The following SLC17A7 variants were observed in gnomAD, a reference collection of about 807,000 sequenced individuals.
SLC17A7 encodes the protein vesicular glutamate transporter 1.
SLC17A7 carries 15 observed loss-of-function variants against 59.1 expected under a neutral mutation model. That is an observed-to-expected ratio of 0.25 (90% confidence interval 0.17 to 0.39). SLC17A7 has a LOEUF of 0.39. SLC17A7 is among the 10% of genes least tolerant of loss of function. The pLI, the probability that SLC17A7 is intolerant of heterozygous loss-of-function variation, is 1.00. For missense variants in SLC17A7, 499 were observed against 765.1 expected (o/e 0.65, Z 4.10); for synonymous variants, 353 against 308.9 (o/e 1.14, Z -1.50).
rs901793701 is a variant in SLC17A7, at chr19:49,431,235, T to A, written c.1262-93A>T. On this transcript the variant is annotated intron_variant, in intron 10 of 11. Coordinates refer to ENST00000221485, the MANE Select transcript of SLC17A7 (RefSeq NM_020309.4). The surrounding 1 kb of genome is among the most constrained non-coding windows in gnomAD (Gnocchi z 4.6). ...CTCAACCCTCTCCCCTCCCCGCCAC[T>A]CATGTTCCACCTTTTGTGAGGCTGA... 11 of 1,578,072 alleles carry A rather than the reference T, an allele frequency of 7.0e-6. 1 individual carries two copies. Among genetic ancestry groups the A allele is most frequent in the Admixed American group, 6.9e-5 (4 of 58,320 alleles).
intron 2 of SLC17A7, 31 bp from the exon 3 acceptor site, chr19:49,435,317 G>T: frequency 2.6e-6 from 4 of 1,517,266 alleles, no homozygotes; most frequent in Non-Finnish European, 3.7e-6. Flanking sequence ...TAAATCAGCC[G>T]CCCTGTCCAG....
chr19:49,432,680 G>C lies in SLC17A7; in HGVS notation c.1018-29C>G, dbSNP rs749935315. Reference sequence around the variant, plus strand: ...CGGGAACAGGTGTACAGGGACACTAGGGTTCGGGGCCGCCGGCTCGGCGTC... The same window carrying C: ...CGGGAACAGGTGTACAGGGACACTACGGTTCGGGGCCGCCGGCTCGGCGTC... On this transcript the variant is annotated intron_variant, in intron 8 of 11. Transcript: ENST00000221485. 5 of 1,606,214 alleles carry C rather than the reference G, an allele frequency of 3.1e-6. No individual in the cohort carries two copies. The East Asian group carries it at 6.7e-5, about 22-fold the overall frequency.
intron 8 of SLC17A7, 31 bp downstream of exon 8, chr19:49,432,780 C>A: frequency 3.2e-6 from 5 of 1,586,984 alleles, no homozygotes; most frequent in East Asian, 2.3e-5. Context: ...GACCCCTCCG[C>A]GCCCCCCTGC....
chr19:49,434,565 C>A (rs78461219), intron 5 of SLC17A7, 37 bp downstream of exon 5: 1 of 1,564,552 alleles, frequency 6.4e-7, no homozygotes, highest in Non-Finnish European at 8.7e-7. Context: ...ACCCCTCCTC[C>A]CTCAGATTCA....
chr19:49,436,870 T>A lies in SLC17A7; in HGVS notation c.63-69A>T, dbSNP rs1417601536. 17 of 1,518,210 alleles carry A rather than the reference T, an allele frequency of 1.1e-5. No individual in the cohort carries two copies. The highest frequency in any genetic ancestry group is 1.7e-5 in the African/African-American group (1 of 60,258). The allele number at this position is 1,518,210 out of a possible 1,614,324, so 94.0% of individuals were successfully genotyped here. A position where few individuals can be genotyped will look rare whatever the true frequency, so the allele number is the denominator to read the frequency against. ...AGCCCCCTCACCCCCAAGACCAGGATCCAGGGCAAAACCTGCTTTTCAACA... is the reference window on the plus strand; with the variant it reads ...AGCCCCCTCACCCCCAAGACCAGGAACCAGGGCAAAACCTGCTTTTCAACA... On this transcript the variant is annotated intron_variant, in intron 1 of 11. Transcript: ENST00000221485. This position sits in a 1 kb window ranked among gnomAD's most constrained non-coding sequence, Gnocchi z 4.1.
chr19:49,431,465 G>C lies in SLC17A7; in HGVS notation c.1151-17C>G. 1.2e-6 allele frequency: 2 copies of C among 1,605,856 alleles called. No individual in the cohort carries two copies. The highest frequency in any genetic ancestry group is 1.7e-6 in the Non-Finnish European group (2 of 1,173,848). On this transcript the variant is annotated splice_polypyrimidine_tract_variant and intron_variant, in intron 9 of 11. Transcript: ENST00000221485. The surrounding 1 kb of genome is among the most constrained non-coding windows in gnomAD (Gnocchi z 4.6). ...TGCCGAAGCCTACGGGGGCGGGGGG[G>C]GCCCGCGTCTCCTGAGTGTCGGCCG...
At chr19:49,435,478 T>C (rs1014076131) in intron 2 of SLC17A7, 192 bp from the exon 3 acceptor site, 45 of 557,322 alleles carry the variant, frequency 8.1e-5, no homozygotes, top group Admixed American at 2.8e-4. Flanking sequence ...TCCACGTTGC[T>C]AGGGCCTATG....
At position 49,430,660 on chromosome 19, in the gene SLC17A7, G is replaced by A; in HGVS notation, c.1542C>T (p.Asp514=). 6.2e-7 allele frequency: 1 copy of A among 1,614,128 alleles called. No homozygotes were observed. The highest frequency in any genetic ancestry group is 1.3e-5 in the African/African-American group (1 of 75,036). The change falls in exon 12 of 12, where the codon GAC becomes GAT. Residue 514 remains aspartate, a synonymous_variant. Coordinates refer to ENST00000221485, the MANE Select transcript of SLC17A7 (RefSeq NM_020309.4). The part of the protein sequence containing the change: ...SEEKCGFVGH[D]QLAGSDDSEM... ...CGCTGTCGTCACTGCCAGCCAGCTG[G>A]TCATGGCCAACGAAGCCACACTTCT...
intron 3 of SLC17A7, 65 bp from the exon 4 acceptor site, chr19:49,434,947 C>T (rs2078974660): frequency 1.3e-6 from 2 of 1,506,656 alleles, no homozygotes; most frequent in Non-Finnish European, 1.8e-6. Flanking sequence ...CTGCCTTTCC[C>T]GCCCACAGCA....
Position 49,431,560 on chromosome 19 carries a change from C to T in SLC17A7, c.1151-112G>A, listed in dbSNP as rs1308237890. On this transcript the variant is annotated intron_variant, in intron 9 of 11. Transcript: ENST00000221485. The surrounding 1 kb of genome is among the most constrained non-coding windows in gnomAD (Gnocchi z 4.6). The stretch of plus-strand genomic sequence containing the variant: ...CAGCCCCAAACCGCGTCTATCCACC[C>T]CAGTCTGGCCACCTCCACGCCCAGG... 2.5e-5 allele frequency: 21 copies of T among 824,384 alleles called. No individual in the cohort carries two copies. The Admixed American group carries it at 5.1e-4, about 20-fold the overall frequency. The allele number at this position is 824,384 out of a possible 1,614,324, so 51.1% of individuals were successfully genotyped here.
rs2078968303 is a variant in SLC17A7, at chr19:49,433,392, C to G, written c.867+334G>C. 1 of 465,388 alleles carries G rather than the reference C, an allele frequency of 2.1e-6. No homozygotes were observed. The highest frequency in any genetic ancestry group is 2.0e-5 in the South Asian group (1 of 48,996). The allele number at this position is 465,388 out of a possible 1,614,324, so 28.8% of individuals were successfully genotyped here. On this transcript the variant is annotated intron_variant, in intron 7 of 11. Coordinates refer to ENST00000221485, the MANE Select transcript of SLC17A7 (RefSeq NM_020309.4). This position sits in a 1 kb window ranked among gnomAD's most constrained non-coding sequence, Gnocchi z 5.7. ...TGCAGGCGGAAGCCACTGAGCCTGC[C>G]CTAGGAGTCTCTTTTTATCAAAAAT...
chr19:49,430,969 G>A (rs1174042168), intron 11 of SLC17A7, 46 bp downstream of exon 11: 16 of 1,578,006 alleles, frequency 1.0e-5, no homozygotes, highest in South Asian at 5.8e-5. Flanking sequence ...AGTTAGGTAC[G>A]AAGCACACAC....
chr19:49,436,596 T>C lies in SLC17A7; in HGVS notation c.268A>G (p.Met90Val), dbSNP rs1246759957. 4 of 1,613,912 alleles carry C rather than the reference T, an allele frequency of 2.5e-6. No individual in the cohort carries two copies. Among genetic ancestry groups the C allele is most frequent in the Non-Finnish European group, 8.5e-7 (1 of 1,179,972 alleles). Residue 90 changes from methionine to valine, a missense_variant, in exon 2 of 12, where the codon ATG (methionine) becomes GTG (valine). Physicochemically the swap from Met to Val is conservative, Grantham distance 21. Coordinates refer to ENST00000221485, the MANE Select transcript of SLC17A7 (RefSeq NM_020309.4). This position sits in a 1 kb window ranked among gnomAD's most constrained non-coding sequence, Gnocchi z 4.1. The part of the protein sequence containing the change: ...RCNLGVAIVS[M>V]VNNSTTHRGG... Reference sequence around the variant, plus strand: ...CGGTGGGTCGTGCTGTTATTGACCATGGAGACGATGGCCACGCCCAGGTTG... The same window carrying C: ...CGGTGGGTCGTGCTGTTATTGACCACGGAGACGATGGCCACGCCCAGGTTG...
intron 1 of SLC17A7, among the ~76,000 whole-genome samples, chr19:49,439,691 A>G (rs2078992593): frequency 1.3e-5 from 2 of 152,214 alleles, no homozygotes; most frequent in South Asian, 4.1e-4. Context: ...TCCAACCATC[A>G]GAGCAAACCC....
rs1407700439 is a variant in SLC17A7 at position 49,436,609 on chromosome 19, C to T, written c.255G>A (p.Val85=). The change falls in exon 2 of 12, where the codon GTG becomes GTA. Residue 85 remains valine, a synonymous_variant. Transcript: ENST00000221485. The surrounding 1 kb of genome is among the most constrained non-coding windows in gnomAD (Gnocchi z 4.1). ...ISFGIRCNLG[V]AIVSMVNNST... ...TGTTATTGACCATGGAGACGATGGC[C>T]ACGCCCAGGTTGCAGCGGATGCCAA... 4 of 1,613,894 alleles carry T rather than the reference C, an allele frequency of 2.5e-6. No individual in the cohort carries two copies. The highest frequency in any genetic ancestry group is 2.7e-5 in the African/African-American group (2 of 74,896).
intron 5 of SLC17A7, 61 bp downstream of exon 5, chr19:49,434,541 C>A: frequency 2.3e-6 from 3 of 1,281,496 alleles, no homozygotes; most frequent in Non-Finnish European, 2.2e-6. Flanking sequence ...TCAGACCCAA[C>A]AGTCCAGGCC....
rs1452004056 is a variant in SLC17A7, at chr19:49,431,735, C to A, written c.1151-287G>T. Among the ~76,000 whole-genome samples the A allele has an allele frequency of 6.6e-6, 1 of 151,940 alleles. No homozygotes were observed. The highest frequency in any genetic ancestry group is 1.5e-5 in the Non-Finnish European group (1 of 68,004). On this transcript the variant is annotated intron_variant, in intron 9 of 11. Coordinates refer to ENST00000221485, the MANE Select transcript of SLC17A7 (RefSeq NM_020309.4). This position sits in a 1 kb window ranked among gnomAD's most constrained non-coding sequence, Gnocchi z 4.6. ...ACTCCCCGAACACGCAGGATCCCTG[C>A]TGTGCACGCTCACACCTTCCCCTCA...
Position 49,433,734 on chromosome 19 carries a change from G to T in SLC17A7, c.859C>A (p.Pro287Thr). 1 of 1,614,152 alleles carries T rather than the reference G, an allele frequency of 6.2e-7. No individual in the cohort carries two copies. Among genetic ancestry groups the T allele is most frequent in the Non-Finnish European group, 8.5e-7 (1 of 1,180,010 alleles). Residue 287 changes from proline to threonine, a missense_variant, in exon 7 of 12, where the codon CCC becomes ACC. Physicochemically the swap from Pro to Thr is conservative, Grantham distance 38. This residue lies in a region of SLC17A7 where 323 missense variants were observed against 607.2 expected (regional missense o/e 0.53). Transcript: ENST00000221485. This position sits in a 1 kb window ranked among gnomAD's most constrained non-coding sequence, Gnocchi z 5.7. ...AAGATTTGGTCCCGGACCGTGAGGGGGTTCATGAGTTTCGCGCTCTCTCCG... is the reference window on the plus strand; with the variant it reads ...AAGATTTGGTCCCGGACCGTGAGGGTGTTCATGAGTTTCGCGCTCTCTCCG... ...AIGESAKLMN[P>T]LTKFSTPWRR...
At chr19:49,437,122 T>G in intron 1 of SLC17A7, 1 of 427,756 alleles carries the variant, frequency 2.3e-6, no homozygotes, top group Non-Finnish European at 4.3e-6. Context: ...CAAGAGCCTG[T>G]GCCCCCACTC....
Sources: gnomAD v4.1 joint callset for allele counts (sites outside exome capture counted in the v4.1 genomes callset) on GRCh38, gnomAD v4.1.1 for gene constraint, gnomAD v4.1.1 regional missense constraint, Gnocchi (gnomAD v3.1) non-coding constraint, MANE v1.5 for transcripts, NCBI Gene and HGNC (gene_info 2026-07-23, HGNC 2026-07-21) for gene names.